The following MMP16 variants were observed in gnomAD, a reference collection of about 807,000 sequenced individuals.
The protein encoded by MMP16 is matrix metallopeptidase 16, also known as matrix metalloproteinase-16.
A neutral mutation model predicts 67.8 loss-of-function variants in MMP16; 12 were observed. The ratio of observed to expected loss-of-function variants is 0.18; its 90% CI spans 0.11 to 0.29. The LOEUF is 0.29. Among genes scored for constraint, MMP16 ranks in the 10% least tolerant of loss-of-function variants. The pLI, the probability that MMP16 is intolerant of heterozygous loss-of-function variation, is 1.00. For synonymous variants in MMP16, 249 were observed against 255.9 expected (o/e 0.97, Z 0.26); for missense variants, 475 against 765.7 (o/e 0.62, Z 4.48).
In MMP16 at chr8:88,156,692, G is replaced by C. The variant is rs2681296; in HGVS notation, c.709+10977C>G. Among the ~76,000 whole-genome samples the C allele has an allele frequency of 6.2e-3, 947 of 151,876 alleles. 14 individuals carry two copies. The highest frequency in any genetic ancestry group is 0.022 in the African/African-American group (907 of 41,460). ...ATAAGGCTATTAAATCATTAATTCA[G>C]ACCAATTGGATTTTTTTTTCAGAAA... On this transcript the variant is annotated intron_variant, in intron 4 of 9. Transcript: ENST00000286614.
chr8:88,144,594 A>G (rs1586173296), intron 4 of MMP16, among the ~76,000 whole-genome samples: 1 of 151,998 alleles, frequency 6.6e-6, no homozygotes, highest in East Asian at 1.9e-4. Context: ...AGAGACTAAT[A>G]TAATATGGGA....
chr8:88,295,753 A>C (rs1393405243), intron 1 of MMP16, among the ~76,000 whole-genome samples: 2 of 152,192 alleles, frequency 1.3e-5, no homozygotes, highest in African/African-American at 4.8e-5. Flanking sequence ...TGTTGTTTAA[A>C]GAAGTAAGGT....
chr8:88,189,969 G>A (rs1307362029), intron 2 of MMP16, among the ~76,000 whole-genome samples: 6 of 152,122 alleles, frequency 3.9e-5, no homozygotes, highest in Non-Finnish European at 8.8e-5. Context: ...AAGTCTATAT[G>A]TCATTTTGCA....
chr8:88,236,527 G>C (rs115736590), intron 1 of MMP16, among the ~76,000 whole-genome samples: 1,820 of 152,106 alleles, frequency 0.012, 24 homozygotes, highest in African/African-American at 0.042. Context: ...AGGCTGAAGG[G>C]GGCAGATTAC....
In MMP16 at chr8:88,041,829, A is replaced by G; in HGVS notation, c.1490-34T>C. On this transcript the variant is annotated intron_variant, in intron 9 of 9. Coordinates refer to ENST00000286614, the MANE Select transcript of MMP16 (RefSeq NM_005941.5). The surrounding 1 kb of genome is among the most constrained non-coding windows in gnomAD (Gnocchi z 6.0). ...AAAAACATACACACACACAGGTACC[A>G]CTTATTTGTGACAGTGTATATGTAG... 6.7e-7 allele frequency: 1 copy of G among 1,482,082 alleles called. No homozygotes were observed. Among genetic ancestry groups the G allele is most frequent in the Admixed American group, 1.8e-5 (1 of 56,920 alleles). The allele number at this position is 1,482,082 out of a possible 1,614,324, so 91.8% of individuals were successfully genotyped here.
intron 4 of MMP16, among the ~76,000 whole-genome samples, chr8:88,144,498 T>A (rs1475373693): frequency 1.3e-5 from 2 of 151,798 alleles, no homozygotes; most frequent in Non-Finnish European, 3.0e-5. Context: ...GAAAAAATAA[T>A]AAAGTCTGGT....
intron 4 of MMP16, among the ~76,000 whole-genome samples, chr8:88,163,478 T>C (rs1808664356): frequency 6.6e-6 from 1 of 152,064 alleles, no homozygotes; most frequent in African/African-American, 2.4e-5. Context: ...GCAGCGTAAC[T>C]GCAATGTATT....
At chr8:88,130,791 G>A (rs1808015723) in intron 4 of MMP16, among the ~76,000 whole-genome samples, 1 of 148,832 alleles carries the variant, frequency 6.7e-6, no homozygotes, top group South Asian at 2.1e-4. Flanking sequence ...TGTGTGTGTG[G>A]TTTGTAAGTA....
At position 88,038,494 on chromosome 8, in the gene MMP16, A is replaced by C. The variant is rs1808084771; in HGVS notation, c.*2967T>G. The stretch of plus-strand genomic sequence containing the variant: ...TGAGTAAAGAGGCAACAGATTGCTT[A>C]TTCAGTTTCTTTCTCATTTTAGAGG... On this transcript the variant is annotated 3_prime_UTR_variant, in exon 10 of 10. Coordinates refer to ENST00000286614, the MANE Select transcript of MMP16 (RefSeq NM_005941.5). The surrounding 1 kb of genome is among the most constrained non-coding windows in gnomAD (Gnocchi z 4.1). The C allele has an allele frequency of 6.6e-6, 1 of 152,490 alleles. No homozygotes were observed. Among genetic ancestry groups the C allele is most frequent in the Non-Finnish European group, 1.5e-5 (1 of 67,956 alleles). The allele number at this position is 152,490 out of a possible 1,614,324, so 9.4% of individuals were successfully genotyped here.
chr8:88,090,449 T>G (rs551582085), intron 6 of MMP16, among the ~76,000 whole-genome samples: 1 of 152,078 alleles, frequency 6.6e-6, no homozygotes, highest in Non-Finnish European at 1.5e-5. Flanking sequence ...ACATTTTTAA[T>G]GTTAGATATT....
intron 1 of MMP16, among the ~76,000 whole-genome samples, chr8:88,215,056 G>A (rs773303515): frequency 1.3e-4 from 20 of 152,174 alleles, no homozygotes; most frequent in Non-Finnish European, 2.4e-4. Context: ...GAGGCTGGGC[G>A]CTGTGGCTCA....
At chr8:88,120,018 C>CT (rs1257201788) in intron 4 of MMP16, among the ~76,000 whole-genome samples, 2 of 151,952 alleles carry the variant, frequency 1.3e-5, no homozygotes, top group Non-Finnish European at 2.9e-5. Context: ...CTGGAGTAGT[C>CT]TGTCACAGAG....
At chr8:88,181,822 C>T (rs1369572792) in intron 3 of MMP16, among the ~76,000 whole-genome samples, 1 of 151,836 alleles carries the variant, frequency 6.6e-6, no homozygotes, top group East Asian at 1.9e-4. Flanking sequence ...ATAACAAATA[C>T]ATATATCAAA....
At chr8:88,326,002 C>T (rs763169758) in intron 1 of MMP16, among the ~76,000 whole-genome samples, 5 of 152,154 alleles carry the variant, frequency 3.3e-5, no homozygotes, top group African/African-American at 4.8e-5. Context: ...TAAACACACA[C>T]TCCCAGCAAA....
At chr8:88,112,322 T>C (rs1293333520) in intron 6 of MMP16, among the ~76,000 whole-genome samples, 1 of 151,730 alleles carries the variant, frequency 6.6e-6, no homozygotes, top group Non-Finnish European at 1.5e-5. Flanking sequence ...TGAAATATGT[T>C]CTGTACAACT....
chr8:88,113,279 T>C (rs553657323), intron 6 of MMP16, among the ~76,000 whole-genome samples: 16 of 151,770 alleles, frequency 1.1e-4, no homozygotes, highest in Non-Finnish European at 2.1e-4. Flanking sequence ...CCAGAGAAGA[T>C]GGGACATCAG....
intron 1 of MMP16, among the ~76,000 whole-genome samples, chr8:88,205,185 A>G (rs1298892523): frequency 6.6e-6 from 1 of 152,188 alleles, no homozygotes; most frequent in Non-Finnish European, 1.5e-5. Context: ...CCCAGAAAAA[A>G]TAGGTAACTT....
intron 4 of MMP16, among the ~76,000 whole-genome samples, chr8:88,124,248 T>A (rs1425926071): frequency 1.3e-5 from 2 of 152,002 alleles, no homozygotes; most frequent in African/African-American, 4.8e-5. Flanking sequence ...GTTTTTATAA[T>A]CTGTTATGCA....
chr8:88,176,456 T>C (rs574851407), intron 3 of MMP16, among the ~76,000 whole-genome samples: 1 of 152,286 alleles, frequency 6.6e-6, no homozygotes, highest in South Asian at 2.1e-4. Flanking sequence ...TGCCAACAGT[T>C]TGGAAATCAG....
Sources: gnomAD v4.1 joint callset for allele counts (sites outside exome capture counted in the v4.1 genomes callset) on GRCh38, gnomAD v4.1.1 for gene constraint, Gnocchi (gnomAD v3.1) non-coding constraint, MANE v1.5 for transcripts, NCBI Gene and HGNC (gene_info 2026-07-23, HGNC 2026-07-21) for gene names.